CTNNA2: variants seen among roughly 807,000 people sequenced by gnomAD.
CTNNA2 encodes catenin alpha 2.
Under a neutral mutation model 101.0 loss-of-function variants are expected in CTNNA2, and 42 were observed. The ratio of observed to expected loss-of-function variants is 0.42; its 90% CI spans 0.32 to 0.54. The LOEUF (loss-of-function observed/expected upper bound fraction) is 0.54, where lower values mean the gene tolerates loss of function less well. Ranked by LOEUF, CTNNA2 falls within the 20% of genes least tolerant of loss-of-function variation. CTNNA2 has a pLI of 0.14. For synonymous variants in CTNNA2, 450 were observed against 456.4 expected (o/e 0.99, Z 0.18); for missense variants, 871 against 1,223.1 (o/e 0.71, Z 4.29).
In CTNNA2 at chr2:80,491,287, C is replaced by T. The variant is rs75729993; in HGVS notation, c.1291-53695C>T. ...GCATCCCAGTTGTCTTGTATAGTGA[C>T]GTGAATGGCCCCTATTCCCTTGATC... On this transcript the variant is annotated intron_variant, in intron 9 of 18. Transcript: ENST00000402739. 7.2e-4 allele frequency among the ~76,000 whole-genome samples: 109 copies of T among 152,266 alleles called. 2 individuals carry two copies. The East Asian group carries it at 0.011, about 15-fold the overall frequency.
intron 3 of CTNNA2, among the ~76,000 whole-genome samples, chr2:79,781,302 T>C (rs1674406927): frequency 6.6e-6 from 1 of 152,074 alleles, no homozygotes; most frequent in Non-Finnish European, 1.5e-5. Flanking sequence ...CATCTTGGGT[T>C]TGGTGGGTTT....
At chr2:79,480,352 A>T (rs1397611267) in intron 4 of CTNNA2, among the ~76,000 whole-genome samples, 1 of 152,170 alleles carries the variant, frequency 6.6e-6, no homozygotes, top group Non-Finnish European at 1.5e-5. Flanking sequence ...CATAAAAAAC[A>T]CCAAGTTCTT....
chr2:79,558,075 A>G (rs959826333), intron 1 of CTNNA2, among the ~76,000 whole-genome samples: 3 of 151,996 alleles, frequency 2.0e-5, no homozygotes, highest in Admixed American at 1.3e-4. Flanking sequence ...AGACCAGACT[A>G]TGATTATCAG....
intron 7 of CTNNA2, among the ~76,000 whole-genome samples, chr2:80,206,019 G>A (rs1021159102): frequency 6.6e-6 from 1 of 152,084 alleles, no homozygotes; most frequent in African/African-American, 2.4e-5. Flanking sequence ...ATTATATTTT[G>A]TTCAGCTTTC....
At chr2:80,141,899 G>A (rs1009349825) in intron 7 of CTNNA2, among the ~76,000 whole-genome samples, 12 of 148,248 alleles carry the variant, frequency 8.1e-5, no homozygotes, top group Admixed American at 6.8e-4. Context: ...TAAAGATAAC[G>A]TCTTAACATA....
intron 7 of CTNNA2, among the ~76,000 whole-genome samples, chr2:80,036,848 TGAGA>T (rs71965090): frequency 0.34 from 40,800 of 119,694 alleles, 6,588 homozygotes; most frequent in East Asian, 0.72. Flanking sequence ...TGTGTGTGTG[TGAGA>T]GAGAGAGAGA....
At chr2:79,962,928 G>A (rs1037043462) in intron 7 of CTNNA2, among the ~76,000 whole-genome samples, 1 of 151,862 alleles carries the variant, frequency 6.6e-6, no homozygotes, top group Admixed American at 6.6e-5. Flanking sequence ...AAAATTAACC[G>A]GGCGTAGTGG....
chr2:79,685,382 G>A (rs966582655), intron 2 of CTNNA2, among the ~76,000 whole-genome samples: 3 of 152,094 alleles, frequency 2.0e-5, no homozygotes. Flanking sequence ...TTAGAATGGG[G>A]CACTGTAACA....
intron 7 of CTNNA2, among the ~76,000 whole-genome samples, chr2:80,251,910 G>T (rs1426768302): frequency 6.6e-6 from 1 of 152,130 alleles, no homozygotes; most frequent in African/African-American, 2.4e-5. Flanking sequence ...TAAACTTGTA[G>T]ACAAAATGTC....
intron 7 of CTNNA2, among the ~76,000 whole-genome samples, chr2:80,061,934 C>CA (rs1490297240): frequency 3.9e-5 from 6 of 151,924 alleles, no homozygotes; most frequent in African/African-American, 1.2e-4. Flanking sequence ...GAAAGTAAAG[C>CA]AAAAAAATGT....
chr2:79,332,864 T>C (rs1432226440), intron 3 of CTNNA2, among the ~76,000 whole-genome samples: 1 of 152,298 alleles, frequency 6.6e-6, no homozygotes, highest in South Asian at 2.1e-4. Context: ...AAAGCATTTC[T>C]ACAGCTCAAG....
chr2:80,113,784 T>C (rs1454245954), intron 7 of CTNNA2, among the ~76,000 whole-genome samples: 1 of 152,206 alleles, frequency 6.6e-6, no homozygotes, highest in African/African-American at 2.4e-5. Flanking sequence ...CCGTGTATCA[T>C]AAATATGCAA....
intron 7 of CTNNA2, among the ~76,000 whole-genome samples, chr2:80,226,597 T>C (rs7581738): frequency 0.2 from 30,530 of 152,050 alleles, 4,270 homozygotes; most frequent in African/African-American, 0.39. Context: ...GTGGCTTATA[T>C]GCTGTACACA....
intron 7 of CTNNA2, among the ~76,000 whole-genome samples, chr2:80,291,936 C>T (rs928133931): frequency 6.6e-6 from 1 of 152,190 alleles, no homozygotes; most frequent in African/African-American, 2.4e-5. Context: ...TGGGCTAAGG[C>T]CTGGCCAGTT....
intron 4 of CTNNA2, among the ~76,000 whole-genome samples, chr2:79,437,886 C>T (rs755820790): frequency 2.0e-5 from 3 of 152,156 alleles, no homozygotes; most frequent in Non-Finnish European, 4.4e-5. Flanking sequence ...GGGGTGGTCA[C>T]GCTTTCCAGG....
intron 4 of CTNNA2, among the ~76,000 whole-genome samples, chr2:79,408,090 G>C (rs1410875648): frequency 4.6e-5 from 7 of 151,864 alleles, no homozygotes. Context: ...GCAGTCAGTG[G>C]ATGATTCCTA....
chr2:79,856,549 T>G (rs1229407083), intron 3 of CTNNA2, among the ~76,000 whole-genome samples: 2 of 152,224 alleles, frequency 1.3e-5, no homozygotes, highest in Non-Finnish European at 2.9e-5. Context: ...GAAGCTTTTA[T>G]ACCCCTGTGT....
intron 8 of CTNNA2, among the ~76,000 whole-genome samples, chr2:80,417,569 A>G (rs1238075810): frequency 6.6e-6 from 1 of 151,676 alleles, no homozygotes; most frequent in African/African-American, 2.4e-5. Flanking sequence ...GTGTTTATTC[A>G]TTCTTAGTCT....
chr2:79,477,119 T>C lies in CTNNA2; in HGVS notation c.-134-27935T>C, dbSNP rs139327707. ...GAGTTTTAATGTTAATAGAGATGAGTTCATTGCATCATTTCTTTTTCTTTT... is the reference window on the plus strand; with the variant it reads ...GAGTTTTAATGTTAATAGAGATGAGCTCATTGCATCATTTCTTTTTCTTTT... On this transcript the variant is annotated intron_variant, in intron 4 of 21. Coordinates refer to the CTNNA2 transcript ENST00000466387. Among the ~76,000 whole-genome samples the C allele has an allele frequency of 3.9e-3, 591 of 152,094 alleles. 1 individual carries two copies. Among genetic ancestry groups the C allele is most frequent in the African/African-American group, 0.014 (571 of 41,496 alleles).
Sources: allele counts gnomAD v4.1 joint callset (sites outside exome capture counted in the v4.1 genomes callset), GRCh38; gene constraint gnomAD v4.1.1; transcripts MANE v1.5; gene names NCBI Gene and HGNC (gene_info 2026-07-23, HGNC 2026-07-21).